The following SREBF1 variants were observed in gnomAD, a reference collection of about 807,000 sequenced individuals.
SREBF1 encodes sterol regulatory element binding transcription factor 1.
A neutral mutation model predicts 100.1 loss-of-function variants in SREBF1; 45 were observed. The observed-to-expected ratio is 0.45, with a 90% confidence interval of 0.35 to 0.58. SREBF1 has a LOEUF of 0.58. SREBF1 is among the 20% of genes least tolerant of loss of function. SREBF1 has a pLI of 0.00. For missense variants in SREBF1, 1,324 were observed against 1,539.4 expected (o/e 0.86, Z 2.34); for synonymous variants, 657 against 681.8 (o/e 0.96, Z 0.57).
rs577980911 is a variant in SREBF1, at chr17:17,820,902, T to A, written c.92-381A>T. ...GTATTTGCCCAAACATCTAGAAACA[T>A]CCTTAGTCCACAGCAAACAGCAGGC... On this transcript the variant is annotated intron_variant, in intron 1 of 18. Transcript: ENST00000261646. 1.2e-5 allele frequency: 4 copies of A among 322,494 alleles called. No homozygotes were observed. The East Asian group carries it at 3.1e-4, about 25-fold the overall frequency. 20.0% of individuals were successfully genotyped at this position (322,494 alleles called of 1,614,324 possible). A position where few individuals can be genotyped will look rare whatever the true frequency, so the allele number is the denominator to read the frequency against.
chr17:17,819,006 T>C lies in SREBF1; in HGVS notation c.1068+7A>G. 2 of 1,612,412 alleles carry C rather than the reference T, an allele frequency of 1.2e-6. No individual in the cohort carries two copies. The highest frequency in any genetic ancestry group is 2.7e-5 in the African/African-American group (2 of 75,048). ...CCCGGTCTGTGCCCCTGCAGGCCTC[T>C]CCACACCTTTGCCTCAGTGCCCACC... is the stretch of plus-strand genomic sequence containing the variant. On this transcript the variant is annotated splice_region_variant and intron_variant, in intron 5 of 18. Coordinates refer to ENST00000261646, the MANE Select transcript of SREBF1 (RefSeq NM_004176.5).
intron 1 of SREBF1, among the ~76,000 whole-genome samples, chr17:17,826,830 T>G (rs2034520701): frequency 6.6e-6 from 1 of 152,214 alleles, no homozygotes; most frequent in Admixed American, 6.5e-5. Context: ...CCTCATGGCA[T>G]GCGCTTGTAG....
At chr17:17,816,061 A>G in intron 11 of SREBF1, 33 bp from the exon 12 acceptor site, 2 of 1,606,642 alleles carry the variant, frequency 1.2e-6, no homozygotes, top group Non-Finnish European at 1.7e-6. Flanking sequence ...GTCACAGTGG[A>G]CACAGCCTGG....
Position 17,812,632 on chromosome 17 carries a change from G to A in SREBF1, c.3434C>T (p.Thr1145Ile), listed in dbSNP as rs746687245. 24 of 1,604,524 alleles carry A rather than the reference G, an allele frequency of 1.5e-5. No homozygotes were observed. The highest frequency in any genetic ancestry group is 1.9e-5 in the Non-Finnish European group (22 of 1,175,586). ...CCGGGGACACGGGGTCTAGCTGGAA[G>A]TGACAGTGGTCCCACCGCCCAGGCG... ...LMRLGGGTTVTSS is the reference protein window; with the variant it reads ...LMRLGGGTTVISS The change falls in exon 19 of 19, where the codon ACT (threonine) becomes ATT (isoleucine). Residue 1145 changes from threonine to isoleucine, a missense_variant. By Grantham distance (89) the Thr-to-Ile change is moderately conservative (BLOSUM62 -1). Coordinates refer to ENST00000261646, the MANE Select transcript of SREBF1 (RefSeq NM_004176.5).
chr17:17,822,264 C>G (rs991438285), intron 1 of SREBF1, among the ~76,000 whole-genome samples: 1 of 152,238 alleles, frequency 6.6e-6, no homozygotes, highest in Non-Finnish European at 1.5e-5. Flanking sequence ...AGGCTGCCAT[C>G]ACCAACCCAT....
Position 17,815,969 on chromosome 17 carries a change from A to T in SREBF1, c.2274T>A (p.Pro758=), listed in dbSNP as rs773938914. ...ACLAQSGSVP[P]AMQWLCHPVG... Reference sequence around the variant, plus strand: ...CGGGGTGGCAGAGCCACTGCATGGCAGGAGGCACTGAGCCACTCTGTGCCA... The same window carrying T: ...CGGGGTGGCAGAGCCACTGCATGGCTGGAGGCACTGAGCCACTCTGTGCCA... The change falls in exon 12 of 19, where the codon CCT becomes CCA. Residue 758 remains proline, a synonymous_variant. Coordinates refer to ENST00000261646, the MANE Select transcript of SREBF1 (RefSeq NM_004176.5). 6.2e-7 allele frequency: 1 copy of T among 1,612,868 alleles called. No homozygotes were observed. The highest frequency in any genetic ancestry group is 1.7e-5 in the Admixed American group (1 of 60,012).
chr17:17,816,118 TAAC>T, intron 11 of SREBF1, 86 bp downstream of exon 11: 1 of 1,329,594 alleles, frequency 7.5e-7, no homozygotes, highest in South Asian at 1.3e-5. Flanking sequence ...GTCCCCCTGG[TAAC>T]CACTGCCACA....
chr17:17,826,875 CA>C (rs770676387), intron 1 of SREBF1, among the ~76,000 whole-genome samples: 1 of 152,230 alleles, frequency 6.6e-6, no homozygotes, highest in Non-Finnish European at 1.5e-5. Flanking sequence ...GCCTACAACC[CA>C]AACAAGGCCT....
At chr17:17,832,891 A>C (rs2034954655) in intron 1 of SREBF1, among the ~76,000 whole-genome samples, 1 of 151,854 alleles carries the variant, frequency 6.6e-6, no homozygotes, top group African/African-American at 2.4e-5. Flanking sequence ...ACTGCACTCC[A>C]GCCTGGGTGA....
rs916266242 is a variant in SREBF1 at position 17,817,634 on chromosome 17, T to C, written c.1404+62A>G. 6 of 1,603,398 alleles carry C rather than the reference T, an allele frequency of 3.7e-6. No individual in the cohort carries two copies. Among genetic ancestry groups the C allele is most frequent in the Non-Finnish European group, 5.1e-6 (6 of 1,172,220 alleles). On this transcript the variant is annotated intron_variant, in intron 7 of 18. Transcript: ENST00000261646. This position sits in a 1 kb window ranked among gnomAD's most constrained non-coding sequence, Gnocchi z 6.6. Reference sequence around the variant, plus strand: ...GGATCTGTTAGGGTCTTCCCGGCCCTGTCATGAGGCTCAGAGGATATGGCT... The same window carrying C: ...GGATCTGTTAGGGTCTTCCCGGCCCCGTCATGAGGCTCAGAGGATATGGCT...
intron 15 of SREBF1, 96 bp from the exon 16 acceptor site, chr17:17,814,506 A>C: frequency 2.0e-6 from 3 of 1,536,794 alleles, no homozygotes; most frequent in Non-Finnish European, 2.6e-6. Flanking sequence ...CTGAGGAAAA[A>C]AGGTGGTGAC....
intron 1 of SREBF1, among the ~76,000 whole-genome samples, chr17:17,826,282 C>CTTT (rs34759145): frequency 1.5e-5 from 2 of 137,704 alleles, no homozygotes. Flanking sequence ...TCGACTGAGT[C>CTTT]TTTTTTTTTT....
At chr17:17,813,895 G>T in intron 16 of SREBF1, 126 bp from the exon 17 acceptor site, 3 of 1,015,412 alleles carry the variant, frequency 3.0e-6, no homozygotes, top group South Asian at 1.5e-5. Context: ...CCTCACACAC[G>T]TGCAATGCAA....
rs556637207 is a variant in SREBF1, at chr17:17,818,053, G to C, written c.1184-137C>G. 5,600 of 976,862 alleles carry C rather than the reference G, an allele frequency of 5.7e-3. 218 individuals carry two copies. In the African/African-American group the frequency reaches 0.078, roughly 14 times the overall value. The allele number at this position is 976,862 out of a possible 1,614,324, so 60.5% of individuals were successfully genotyped here. A position where few individuals can be genotyped will look rare whatever the true frequency, so the allele number is the denominator to read the frequency against. ...GACGCTTTGATGGGGCTGGGTTAGG[G>C]CCAAAGGGAGGCACCAGGTCTCTTT... On this transcript the variant is annotated intron_variant, in intron 6 of 18. Transcript: ENST00000261646.
At chr17:17,814,125 A>G in intron 16 of SREBF1, 120 bp downstream of exon 16, 1 of 1,183,826 alleles carries the variant, frequency 8.4e-7, no homozygotes. Context: ...TGGACCCCCT[A>G]TCCTGTGCTG....
rs1382046051 is a variant in SREBF1 at position 17,836,716 on chromosome 17, C to T, written c.91+11G>A. The T allele has an allele frequency of 4.5e-6, 7 of 1,559,222 alleles. No individual in the cohort carries two copies. The highest frequency in any genetic ancestry group is 5.2e-6 in the Non-Finnish European group (6 of 1,159,790). On this transcript the variant is annotated intron_variant, in intron 1 of 18. Coordinates refer to ENST00000261646, the MANE Select transcript of SREBF1 (RefSeq NM_004176.5). ...CCGGCGCAGCTTCAAGCCCTGCCCGCCCTGACGCACCTTCGATGTCGGTCA... is the reference window on the plus strand; with the variant it reads ...CCGGCGCAGCTTCAAGCCCTGCCCGTCCTGACGCACCTTCGATGTCGGTCA...
At chr17:17,813,511 C>T (rs2033178276) in intron 17 of SREBF1, 32 bp from the exon 18 acceptor site, 1 of 1,588,626 alleles carries the variant, frequency 6.3e-7, no homozygotes, top group Non-Finnish European at 8.6e-7. Context: ...GCTCAGGGCT[C>T]TCCATCTCCA....
intron 16 of SREBF1, 56 bp from the exon 17 acceptor site, chr17:17,813,825 G>A (rs941130689): frequency 6.6e-7 from 1 of 1,507,070 alleles, no homozygotes; most frequent in South Asian, 1.2e-5. Flanking sequence ...GGAGGGGCAG[G>A]ATGGGGGCCC....
Position 17,817,523 on chromosome 17 carries a change from A to G in SREBF1, c.1405-66T>C. 2.2e-6 allele frequency: 3 copies of G among 1,360,372 alleles called. No homozygotes were observed. Among genetic ancestry groups the G allele is most frequent in the Non-Finnish European group, 3.1e-6 (3 of 976,098 alleles). The allele number at this position is 1,360,372 out of a possible 1,614,324, so 84.3% of individuals were successfully genotyped here. On this transcript the variant is annotated intron_variant, in intron 7 of 18. Coordinates refer to ENST00000261646, the MANE Select transcript of SREBF1 (RefSeq NM_004176.5). This position sits in a 1 kb window ranked among gnomAD's most constrained non-coding sequence, Gnocchi z 6.6. ...GACCCCAGAGAGCATGGGGCTGGGAAGGGGGGGGTCAGGATTCTGCCCACC... is the reference window on the plus strand; with the variant it reads ...GACCCCAGAGAGCATGGGGCTGGGAGGGGGGGGGTCAGGATTCTGCCCACC...
Sources: allele counts gnomAD v4.1 joint callset (sites outside exome capture counted in the v4.1 genomes callset), GRCh38; gene constraint gnomAD v4.1.1; non-coding constraint Gnocchi (gnomAD v3.1); transcripts MANE v1.5; gene names NCBI Gene and HGNC (gene_info 2026-07-23, HGNC 2026-07-21).